Variants in M1AP observed in about 807,000 individuals in gnomAD.
M1AP encodes meiosis 1 associated protein.
Under a neutral mutation model 51.2 loss-of-function variants are expected in M1AP, and 39 were observed. The ratio of observed to expected loss-of-function variants is 0.76; its 90% CI spans 0.59 to 1.00. The LOEUF (loss-of-function observed/expected upper bound fraction) is 1.00, where lower values mean the gene tolerates loss of function less well. Ranked by LOEUF, M1AP falls within the 50% of genes least tolerant of loss-of-function variation. The pLI is 0.00. For synonymous variants in M1AP, 251 were observed against 249.2 expected, an observed-to-expected ratio of 1.01 and a Z score of -0.07; for missense variants, 545 against 641.2, an observed-to-expected ratio of 0.85 and a Z score of 1.62.
chr2:74,596,327 T>C (rs1221751342), intron 4 of M1AP, among the ~76,000 whole-genome samples: 1 of 152,108 alleles, frequency 6.6e-6, no homozygotes, highest in Admixed American at 6.5e-5. Flanking sequence ...TCACGCCTGT[T>C]ATCCCAGCAC....
At chr2:74,640,664 G>A (rs1683245904) in intron 1 of M1AP, among the ~76,000 whole-genome samples, 1 of 152,048 alleles carries the variant, frequency 6.6e-6, no homozygotes, top group Non-Finnish European at 1.5e-5. Flanking sequence ...CACCATGTTG[G>A]CCAGGATGGT....
At chr2:74,564,782 T>G (rs1166583687) in intron 7 of M1AP, among the ~76,000 whole-genome samples, 6 of 152,196 alleles carry the variant, frequency 3.9e-5, no homozygotes. Context: ...CTGGAAGGGA[T>G]AGAAACCAGG....
intron 2 of M1AP, among the ~76,000 whole-genome samples, chr2:74,625,327 G>C (rs1311511694): frequency 6.6e-6 from 1 of 152,086 alleles, no homozygotes; most frequent in East Asian, 1.9e-4. Context: ...AACTCTACAT[G>C]ATATGAGAAG....
At chr2:74,599,979 G>T (rs1680585493) in intron 4 of M1AP, among the ~76,000 whole-genome samples, 1 of 152,082 alleles carries the variant, frequency 6.6e-6, no homozygotes, top group Non-Finnish European at 1.5e-5. Context: ...TAGAGAGAGG[G>T]TTTTGTTATA....
At chr2:74,638,995 T>G (rs1253389223) in intron 2 of M1AP, among the ~76,000 whole-genome samples, 1 of 152,222 alleles carries the variant, frequency 6.6e-6, no homozygotes, top group African/African-American at 2.4e-5. Flanking sequence ...TAAGTAACAA[T>G]GCACAGACAA....
chr2:74,637,643 G>A (rs1683059408), intron 2 of M1AP, among the ~76,000 whole-genome samples: 1 of 152,182 alleles, frequency 6.6e-6, no homozygotes, highest in Non-Finnish European at 1.5e-5. Flanking sequence ...GCAGTACTAA[G>A]TCTTGGGCTA....
intron 5 of M1AP, 63 bp downstream of exon 5, chr2:74,581,611 A>G (rs1679407898): frequency 6.5e-7 from 1 of 1,527,542 alleles, no homozygotes; most frequent in South Asian, 1.2e-5. Flanking sequence ...CTCACCACCA[A>G]TCTAGAGTCC....
chr2:74,599,276 A>G lies in M1AP; in HGVS notation c.595+7779T>C, dbSNP rs193176593. Among the ~76,000 whole-genome samples the G allele has an allele frequency of 4.2e-3, 642 of 152,212 alleles. 7 individuals carry two copies. Among genetic ancestry groups the G allele is most frequent in the African/African-American group, 0.014 (593 of 41,536 alleles). On this transcript the variant is annotated intron_variant, in intron 4 of 10. Transcript: ENST00000421985. The stretch of plus-strand genomic sequence containing the variant: ...TTTGAGTGACAGAGACTCTGTCAAA[A>G]ATCTTTTATTTTATGATTAGCAAAC...
intron 2 of M1AP, among the ~76,000 whole-genome samples, chr2:74,624,490 T>A (rs561767344): frequency 2.0e-5 from 3 of 152,172 alleles, no homozygotes; most frequent in African/African-American, 7.2e-5. Context: ...TGATGTTTCA[T>A]TGGAGGTCAG....
rs768796230 is a variant in M1AP, at chr2:74,558,536, G to A, written c.*180C>T. ...GAGAAAGGACAGGCTCGGGTGTGTC[G>A]CTTCCAGACTTGAGGAGTGGGACAG... On this transcript the variant is annotated 3_prime_UTR_variant, in exon 11 of 11. Coordinates refer to ENST00000421985, the MANE Select transcript of M1AP (RefSeq NM_001321739.2). 1.8e-5 allele frequency: 11 copies of A among 619,314 alleles called. No homozygotes were observed. Among genetic ancestry groups the A allele is most frequent in the South Asian group, 4.6e-5 (2 of 43,080 alleles). The allele number at this position is 619,314 out of a possible 1,614,324, so 38.4% of individuals were successfully genotyped here.
intron 4 of M1AP, among the ~76,000 whole-genome samples, chr2:74,583,073 CTG>C (rs1459439123): frequency 1.5e-4 from 23 of 151,546 alleles, no homozygotes; most frequent in South Asian, 6.3e-4. Flanking sequence ...AAGAAATCCA[CTG>C]TAAAAACAAA....
intron 10 of M1AP, 126 bp downstream of exon 10, chr2:74,559,572 C>G (rs373829217): frequency 7.8e-5 from 51 of 650,998 alleles, no homozygotes; most frequent in African/African-American, 4.2e-4. Flanking sequence ...AAATATTTCT[C>G]TATCCTCAAT....
intron 2 of M1AP, chr2:74,615,399 GT>G (rs967003656): frequency 2.2e-6 from 1 of 448,590 alleles, no homozygotes; most frequent in Admixed American, 3.4e-5. Flanking sequence ...GAAAGGAAGT[GT>G]TTTAACTCAT....
chr2:74,627,689 A>C (rs1415908322), intron 2 of M1AP, among the ~76,000 whole-genome samples: 1 of 152,168 alleles, frequency 6.6e-6, no homozygotes, highest in Non-Finnish European at 1.5e-5. Context: ...TGATGATTCC[A>C]TTCATATTAC....
At chr2:74,611,974 A>G (rs1681393744) in intron 3 of M1AP, among the ~76,000 whole-genome samples, 1 of 115,334 alleles carries the variant, frequency 8.7e-6, no homozygotes, top group Non-Finnish European at 1.7e-5. Context: ...GCTCACTGCA[A>G]GCTCCGCCTC....
chr2:74,597,718 C>A (rs1236297546), intron 4 of M1AP, among the ~76,000 whole-genome samples: 1 of 152,192 alleles, frequency 6.6e-6, no homozygotes, highest in Non-Finnish European at 1.5e-5. Flanking sequence ...TAGTTGCCAG[C>A]ATCATTAGGT....
intron 2 of M1AP, among the ~76,000 whole-genome samples, chr2:74,630,906 G>A (rs1017087685): frequency 1.3e-5 from 2 of 152,088 alleles, no homozygotes; most frequent in African/African-American, 2.4e-5. Context: ...TGATCACTCC[G>A]TACTCTACTC....
At chr2:74,646,286 G>A (rs1285306483) in intron 1 of M1AP, among the ~76,000 whole-genome samples, 1 of 152,168 alleles carries the variant, frequency 6.6e-6, no homozygotes, top group Non-Finnish European at 1.5e-5. Context: ...AAAAGGAGCA[G>A]CAAAGAAATA....
intron 4 of M1AP, among the ~76,000 whole-genome samples, chr2:74,603,619 A>C (rs1037039396): frequency 6.6e-6 from 1 of 152,214 alleles, no homozygotes; most frequent in Admixed American, 6.5e-5. Context: ...GGGAATTTAG[A>C]GGAAAAGACT....
Sources: gnomAD v4.1 joint callset for allele counts (sites outside exome capture counted in the v4.1 genomes callset) on GRCh38, gnomAD v4.1.1 for gene constraint, MANE v1.5 for transcripts, NCBI Gene and HGNC (gene_info 2026-07-23, HGNC 2026-07-21) for gene names.